The following CASK variants were observed in gnomAD, a reference collection of about 807,000 sequenced individuals.
CASK encodes calcium/calmodulin dependent serine protein kinase.
CASK carries 4 observed loss-of-function variants against 82.9 expected under a neutral mutation model. The observed-to-expected ratio is 0.05, with a 90% CI of 0.02 to 0.11. The LOEUF (loss-of-function observed/expected upper bound fraction) is 0.11. Among genes scored for constraint, CASK ranks in the 10% least tolerant of loss-of-function variants. The pLI, the probability that CASK is intolerant of heterozygous loss-of-function variation, is 1.00. For missense variants in CASK, 358 were observed against 720.9 expected (o/e 0.50, Z 5.76); for synonymous variants, 259 against 253.5 (o/e 1.02, Z -0.20).
intron 1 of CASK, among the ~76,000 whole-genome samples, chrX:41,862,279 G>A (rs2071504728): frequency 1.8e-5 from 2 of 110,648 alleles, no homozygotes; most frequent in Non-Finnish European, 3.8e-5. Context: ...AGTGGCTCAT[G>A]CCTGTAACTC....
intron 8 of CASK, among the ~76,000 whole-genome samples, chrX:41,655,656 TGAGGAACTGTGG>T (rs1449666835): frequency 5.4e-5 from 6 of 111,291 alleles, no homozygotes; most frequent in African/African-American, 2.0e-4. Flanking sequence ...TGGAACTGTG[TGAGGAACTGTGG>T]GATTCTACTG....
At chrX:41,898,560 G>A (rs1451955485) in intron 1 of CASK, among the ~76,000 whole-genome samples, 2 of 111,155 alleles carry the variant, frequency 1.8e-5, no homozygotes, top group African/African-American at 6.5e-5. Flanking sequence ...TTTTCTTCAT[G>A]TATTGCTATT....
chrX:41,800,487 A>AT (rs1327082472), intron 2 of CASK, among the ~76,000 whole-genome samples: 1 of 109,780 alleles, frequency 9.1e-6, no homozygotes, highest in East Asian at 2.9e-4. Context: ...ATTTATTTTT[A>AT]TTTTTTCTTT....
In CASK at chrX:41,607,796, A is replaced by T. The variant is rs138926753; in HGVS notation, c.1155+2108T>A. On this transcript the variant is annotated intron_variant, in intron 12 of 26. Coordinates refer to ENST00000378163, the MANE Select transcript of CASK (RefSeq NM_001367721.1). ...CTAGGTACAAAGGATACAGTAGAAG[A>T]TTCCAAGACCCTGGGAAATAGCAGT... 4.4e-3 allele frequency among the ~76,000 whole-genome samples: 495 copies of T among 111,945 alleles called. 3 individuals are homozygous for T. The highest frequency in any genetic ancestry group is 0.015 in the African/African-American group (476 of 30,817).
chrX:41,881,791 C>T (rs1319204523), intron 1 of CASK, among the ~76,000 whole-genome samples: 1 of 111,610 alleles, frequency 9.0e-6, no homozygotes, highest in East Asian at 2.8e-4. Flanking sequence ...TTTATTATTT[C>T]CGTGTTTACT....
chrX:41,591,729 C>A (rs1227793285), intron 12 of CASK, among the ~76,000 whole-genome samples: 3 of 110,168 alleles, frequency 2.7e-5, no homozygotes, highest in African/African-American at 9.9e-5. Context: ...CCCGCCTCGG[C>A]CTCCCAAAGC....
At chrX:41,557,439 G>A (rs935261728) in intron 18 of CASK, among the ~76,000 whole-genome samples, 1 of 110,834 alleles carries the variant, frequency 9.0e-6, no homozygotes, top group Non-Finnish European at 1.9e-5. Context: ...ATAAATTATC[G>A]TGCTGAAGAT....
At chrX:41,766,137 C>T (rs2069110747) in intron 3 of CASK, among the ~76,000 whole-genome samples, 1 of 111,950 alleles carries the variant, frequency 8.9e-6, no homozygotes, top group African/African-American at 3.2e-5. Context: ...CTATCTATAT[C>T]AAGCTTGTGG....
chrX:41,892,595 G>A (rs747680109), intron 1 of CASK, among the ~76,000 whole-genome samples: 6 of 111,485 alleles, frequency 5.4e-5, no homozygotes, highest in African/African-American at 1.3e-4. Flanking sequence ...TCAGCCTCCC[G>A]AAGTGCTGAG....
At chrX:41,902,362 G>C (rs1399416108) in intron 1 of CASK, among the ~76,000 whole-genome samples, 1 of 111,023 alleles carries the variant, frequency 9.0e-6, no homozygotes, top group African/African-American at 3.3e-5. Context: ...TCTTGAAGCT[G>C]CCTGCATTCC....
intron 5 of CASK, among the ~76,000 whole-genome samples, chrX:41,674,775 C>A (rs1235715848): frequency 9.0e-6 from 1 of 111,358 alleles, no homozygotes; most frequent in African/African-American, 3.3e-5. Flanking sequence ...AGAGAAGTTT[C>A]AGAACCAAAA....
At chrX:41,604,010 T>G (rs182425025) in intron 12 of CASK, among the ~76,000 whole-genome samples, 108 of 111,132 alleles carry the variant, frequency 9.7e-4, no homozygotes, top group African/African-American at 3.4e-3. Flanking sequence ...ACCCACCCAC[T>G]GACCTTCCAA....
At chrX:41,830,576 T>C (rs957786357) in intron 2 of CASK, among the ~76,000 whole-genome samples, 9 of 110,232 alleles carry the variant, frequency 8.2e-5, no homozygotes, top group African/African-American at 1.3e-4. Context: ...ATCCCAGCAC[T>C]TTGGGAGGCC....
intron 3 of CASK, among the ~76,000 whole-genome samples, chrX:41,768,843 T>C (rs1395570367): frequency 9.0e-6 from 1 of 110,788 alleles, no homozygotes; most frequent in Non-Finnish European, 1.9e-5. Context: ...AAAAAAGAAT[T>C]CTTACAACTA....
intron 5 of CASK, among the ~76,000 whole-genome samples, chrX:41,739,164 T>C (rs772880139): frequency 1.8e-5 from 2 of 111,987 alleles, no homozygotes; most frequent in East Asian, 2.8e-4. Context: ...CAATTTTAGA[T>C]TGCATGAACA....
chrX:41,711,270 T>C (rs1393931415), intron 5 of CASK, among the ~76,000 whole-genome samples: 1 of 111,742 alleles, frequency 8.9e-6, no homozygotes, highest in Non-Finnish European at 1.9e-5. Flanking sequence ...AACTGCAGAA[T>C]TGCTTGCTTG....
chrX:41,647,432 C>G (rs1377235601), intron 8 of CASK, among the ~76,000 whole-genome samples: 1 of 111,886 alleles, frequency 8.9e-6, no homozygotes, highest in East Asian at 2.8e-4. Flanking sequence ...GGCAGAAAAT[C>G]TTTATAGATT....
chrX:41,524,949 C>T (rs1410261021), intron 25 of CASK, among the ~76,000 whole-genome samples: 1 of 111,685 alleles, frequency 9.0e-6, no homozygotes, highest in Non-Finnish European at 1.9e-5. Flanking sequence ...CTTGCTGTCA[C>T]TTACACAAGA....
intron 2 of CASK, among the ~76,000 whole-genome samples, chrX:41,835,626 T>C (rs143677050): frequency 0.01 from 1,133 of 112,107 alleles, 18 homozygotes; most frequent in African/African-American, 0.035. Flanking sequence ...TTGGGGATTA[T>C]GGCCAACATG....
Sources: allele counts gnomAD v4.1 joint callset (sites outside exome capture counted in the v4.1 genomes callset), GRCh38; gene constraint gnomAD v4.1.1; transcripts MANE v1.5; gene names NCBI Gene and HGNC (gene_info 2026-07-23, HGNC 2026-07-21).